The following C10orf67 variants were observed in gnomAD, a reference collection of about 807,000 sequenced individuals.
C10orf67 encodes the protein uncharacterized protein C10orf67, mitochondrial.
In C10orf67, 60 loss-of-function variants were observed where a neutral mutation model predicts 35.6. That is an observed-to-expected ratio of 1.68 (90% CI 1.37 to 2.09). C10orf67 has a LOEUF of 2.09. Among genes scored for constraint, C10orf67 ranks in the 30% most tolerant of loss-of-function variants. The pLI is 0.00. For missense variants in C10orf67, 474 were observed against 330.2 expected, an observed-to-expected ratio of 1.44 and a Z score of -3.38; for synonymous variants, 167 against 115.8, an observed-to-expected ratio of 1.44 and a Z score of -2.84.
At position 23,291,297 on chromosome 10, in the gene C10orf67, C is replaced by T. The variant is rs1451472183; in HGVS notation, c.703-18G>A. On this transcript the variant is annotated intron_variant, in intron 5 of 15. Transcript: ENST00000636213. ...AAAGATTCCTAAAAGATGGAGAATG[C>T]CATATTCCTAAGCAGGGAGCCAAGG... 8.4e-6 allele frequency: 6 copies of T among 710,652 alleles called. No individual in the cohort carries two copies. Among genetic ancestry groups the T allele is most frequent in the South Asian group, 1.5e-5 (1 of 66,168 alleles). The allele number at this position is 710,652 out of a possible 1,614,324, so 44.0% of individuals were successfully genotyped here.
intron 10 of C10orf67, chr10:23,258,693 A>G (rs1842667945): frequency 6.6e-6 from 1 of 152,238 alleles, no homozygotes; most frequent in Non-Finnish European, 1.5e-5. Context: ...TCTATTCCAA[A>G]GATGTTAACT....
At chr10:23,338,590 A>G (rs1422992898) in intron 1 of C10orf67, among the ~76,000 whole-genome samples, 1 of 152,200 alleles carries the variant, frequency 6.6e-6, no homozygotes, top group Non-Finnish European at 1.5e-5. Context: ...ACCACTTCCC[A>G]TCAAGGAACT....
chr10:23,311,936 A>G (rs1246749388), intron 4 of C10orf67, among the ~76,000 whole-genome samples: 1 of 152,194 alleles, frequency 6.6e-6, no homozygotes, highest in Non-Finnish European at 1.5e-5. Context: ...TGACTAGGAC[A>G]ATACTGGATG....
In C10orf67 at chr10:23,204,147, T is replaced by A. The variant is rs1026956457; in HGVS notation, c.*26A>T. On this transcript the variant is annotated 3_prime_UTR_variant, in exon 16 of 16. Coordinates refer to ENST00000636213, the MANE Select transcript of C10orf67 (RefSeq NM_001371909.1). ...CGAGGCCACTCTTTCTGAGGCCCCGTCTGCGCAGCCCAGGCTTCTGCTGGG... is the reference window on the plus strand; with the variant it reads ...CGAGGCCACTCTTTCTGAGGCCCCGACTGCGCAGCCCAGGCTTCTGCTGGG... 2.0e-6 allele frequency: 1 copy of A among 500,626 alleles called. No homozygotes were observed. The highest frequency in any genetic ancestry group is 2.0e-5 in the African/African-American group (1 of 50,018). 31.0% of individuals were successfully genotyped at this position (500,626 alleles called of 1,614,324 possible).
chr10:23,340,264 G>A (rs934413060), intron 1 of C10orf67, among the ~76,000 whole-genome samples: 1 of 151,442 alleles, frequency 6.6e-6, no homozygotes, highest in Admixed American at 6.6e-5. Context: ...CAGCATTTTG[G>A]GAGGCTAAGG....
At chr10:23,263,878 G>A (rs902330973) in intron 10 of C10orf67, among the ~76,000 whole-genome samples, 6 of 152,080 alleles carry the variant, frequency 3.9e-5, no homozygotes, top group Non-Finnish European at 8.8e-5. Context: ...TTGTGAAATC[G>A]TTCATTAATA....
intron 10 of C10orf67, among the ~76,000 whole-genome samples, chr10:23,250,988 T>C (rs1313812971): frequency 6.6e-6 from 1 of 152,028 alleles, no homozygotes; most frequent in African/African-American, 2.4e-5. Flanking sequence ...TCCCAGCTAC[T>C]TGGGAGGCTG....
intron 5 of C10orf67, among the ~76,000 whole-genome samples, chr10:23,293,388 C>T (rs1843781289): frequency 6.6e-6 from 1 of 152,052 alleles, no homozygotes; most frequent in African/African-American, 2.4e-5. Context: ...GCAATGAGGA[C>T]ACTCATTAGC....
chr10:23,329,632 T>G (rs186460122), intron 2 of C10orf67, among the ~76,000 whole-genome samples: 1 of 151,472 alleles, frequency 6.6e-6, no homozygotes, highest in South Asian at 2.1e-4. Flanking sequence ...AGACTCTATC[T>G]CTACCAAAAA....
At chr10:23,232,904 C>A (rs1244608217) in intron 13 of C10orf67, among the ~76,000 whole-genome samples, 1 of 152,184 alleles carries the variant, frequency 6.6e-6, no homozygotes, top group Non-Finnish European at 1.5e-5. Context: ...TACCTGCAAT[C>A]CTAGCACTTT....
chr10:23,249,984 G>T (rs1423463559), intron 12 of C10orf67, among the ~76,000 whole-genome samples: 2 of 152,242 alleles, frequency 1.3e-5, no homozygotes, highest in Non-Finnish European at 2.9e-5. Context: ...AAAAGGCAAA[G>T]AGGACACTGG....
At chr10:23,317,313 G>A (rs1309894179) in intron 4 of C10orf67, 2 of 152,400 alleles carry the variant, frequency 1.3e-5, no homozygotes, top group African/African-American at 2.4e-5. Flanking sequence ...CAGGCAGCAG[G>A]AGTAGGCACT....
rs1841381261 is a variant in C10orf67 at position 23,214,367 on chromosome 10, A to C, written c.1570+9231T>G. Among the ~76,000 whole-genome samples the C allele has an allele frequency of 2.6e-5, 4 of 152,192 alleles. 1 individual carries two copies. Among genetic ancestry groups the C allele is most frequent in the Admixed American group, 2.6e-4 (4 of 15,268 alleles). On this transcript the variant is annotated intron_variant, in intron 15 of 15. Coordinates refer to ENST00000636213, the MANE Select transcript of C10orf67 (RefSeq NM_001371909.1). ...ATTAGGAGTCATTAATTAAAGGTAA[A>C]GCAATCTGAACGAAGCATATTTAAA...
chr10:23,260,720 C>T (rs1217103503), intron 10 of C10orf67, among the ~76,000 whole-genome samples: 1 of 152,100 alleles, frequency 6.6e-6, no homozygotes, highest in Non-Finnish European at 1.5e-5. Flanking sequence ...AGATTTCCCA[C>T]CAGAGGTTCC....
chr10:23,248,421 A>G (rs577663231), intron 12 of C10orf67, among the ~76,000 whole-genome samples: 2 of 152,304 alleles, frequency 1.3e-5, no homozygotes, highest in South Asian at 2.1e-4. Flanking sequence ...CTCACATTCA[A>G]TCTTCCTGGA....
At chr10:23,284,131 G>T (rs1203186164) in intron 7 of C10orf67, among the ~76,000 whole-genome samples, 1 of 116,028 alleles carries the variant, frequency 8.6e-6, no homozygotes, top group South Asian at 2.7e-4. Context: ...AAAAAAAAAA[G>T]GGTGGGGGGA....
chr10:23,274,959 C>T (rs1843142662), intron 8 of C10orf67, among the ~76,000 whole-genome samples: 2 of 152,142 alleles, frequency 1.3e-5, no homozygotes, highest in South Asian at 4.1e-4. Context: ...AATTTATGTT[C>T]TTCTGCCGCA....
In C10orf67 at chr10:23,218,568, G is replaced by A. The variant is rs140465295; in HGVS notation, c.1570+5030C>T. Among the ~76,000 whole-genome samples the A allele has an allele frequency of 3.7e-4, 57 of 152,220 alleles. No individual in the cohort carries two copies. In the East Asian group the frequency reaches 9.3e-3, roughly 25 times the overall value. The stretch of plus-strand genomic sequence containing the variant: ...CCTAAGAAAAGGTAGTTGAGAATTA[G>A]CTCAAGTCTCAAAGACAGACATGAC... On this transcript the variant is annotated intron_variant, in intron 15 of 15. Transcript: ENST00000636213.
chr10:23,230,972 T>C (rs1841890778), intron 13 of C10orf67, among the ~76,000 whole-genome samples: 1 of 152,112 alleles, frequency 6.6e-6, no homozygotes, highest in Non-Finnish European at 1.5e-5. Flanking sequence ...ATCTCCTCCT[T>C]TCATTTTTTT....
Sources: gnomAD v4.1 joint callset for allele counts (sites outside exome capture counted in the v4.1 genomes callset) on GRCh38, gnomAD v4.1.1 for gene constraint, MANE v1.5 for transcripts, NCBI Gene and HGNC (gene_info 2026-07-23, HGNC 2026-07-21) for gene names.